The following NFIA variants were observed in gnomAD, a reference collection of about 807,000 sequenced individuals.
NFIA encodes the protein nuclear factor 1 A-type.
A neutral mutation model predicts 62.8 loss-of-function variants in NFIA; 8 were observed. The observed-to-expected ratio is 0.13, with a 90% confidence interval of 0.07 to 0.23. NFIA has a LOEUF of 0.23. Among genes scored for constraint, NFIA ranks in the 10% least tolerant of loss-of-function variants. The pLI is 1.00. For synonymous variants in NFIA, 235 were observed against 238.1 expected (o/e 0.99, Z 0.12); for missense variants, 410 against 642.1 (o/e 0.64, Z 3.91).
chr1:61,128,915 G>T (rs1286635733), intron 2 of NFIA, among the ~76,000 whole-genome samples: 116 of 74,062 alleles, frequency 1.6e-3, no homozygotes, highest in Admixed American at 2.6e-3. Flanking sequence ...GCTTACTTAT[G>T]TTTTTTTTTT....
chr1:61,348,752 T>C (rs957243253), intron 4 of NFIA, among the ~76,000 whole-genome samples: 1 of 152,200 alleles, frequency 6.6e-6, no homozygotes, highest in Non-Finnish European at 1.5e-5. Context: ...GGCCTCTTCT[T>C]CTCTCCGTCT....
At chr1:61,362,443 C>T (rs969900618) in intron 6 of NFIA, among the ~76,000 whole-genome samples, 6 of 152,128 alleles carry the variant, frequency 3.9e-5, no homozygotes, top group Non-Finnish European at 5.9e-5. Context: ...ACTCAGAATG[C>T]TTTGGTTTCC....
intron 2 of NFIA, among the ~76,000 whole-genome samples, chr1:61,240,509 G>A (rs1014496473): frequency 2.6e-5 from 4 of 151,368 alleles, no homozygotes; most frequent in African/African-American, 4.9e-5. Flanking sequence ...TCCACAAACC[G>A]TACACAATGG....
intron 2 of NFIA, among the ~76,000 whole-genome samples, chr1:61,099,075 T>C (rs892538680): frequency 2.6e-5 from 4 of 152,238 alleles, no homozygotes; most frequent in African/African-American, 9.6e-5. Flanking sequence ...ATGTAATCCT[T>C]TGTACTTTTA....
At chr1:61,431,209 A>G (rs1345110699) in intron 10 of NFIA, among the ~76,000 whole-genome samples, 14 of 152,208 alleles carry the variant, frequency 9.2e-5, no homozygotes. Flanking sequence ...AATGAGAACC[A>G]TTAAGAGGAG....
At chr1:61,236,669 G>A (rs761331136) in intron 2 of NFIA, among the ~76,000 whole-genome samples, 1 of 150,716 alleles carries the variant, frequency 6.6e-6, no homozygotes, top group Non-Finnish European at 1.5e-5. Context: ...TGATCATTTT[G>A]TTATTTTTGC....
intron 2 of NFIA, among the ~76,000 whole-genome samples, chr1:61,108,402 A>G (rs1210685308): frequency 6.6e-6 from 1 of 151,682 alleles, no homozygotes; most frequent in Non-Finnish European, 1.5e-5. Flanking sequence ...TCTAATTTCT[A>G]GTATAGAAAT....
intron 7 of NFIA, among the ~76,000 whole-genome samples, chr1:61,391,044 A>G (rs368144057): frequency 7.3e-5 from 11 of 150,996 alleles, no homozygotes; most frequent in South Asian, 4.2e-4. Context: ...TTGTTTGTTT[A>G]TTTGTTTGTT....
At chr1:61,327,695 T>A (rs1011399399) in intron 3 of NFIA, among the ~76,000 whole-genome samples, 2 of 152,170 alleles carry the variant, frequency 1.3e-5, no homozygotes, top group Non-Finnish European at 2.9e-5. Context: ...TCCACATCTT[T>A]GCAAATGTGA....
At chr1:61,133,987 G>T (rs937644783) in intron 2 of NFIA, among the ~76,000 whole-genome samples, 1 of 151,972 alleles carries the variant, frequency 6.6e-6, no homozygotes, top group South Asian at 2.1e-4. Context: ...TTAGCCGGGC[G>T]TGGTGGTGCA....
Position 61,383,268 on chromosome 1 carries a change from G to T in NFIA, c.978G>T (p.Ser326=). The change falls in exon 7 of 11, where the codon TCG becomes TCT. Residue 326 remains serine (S), a synonymous_variant. Coordinates refer to ENST00000403491, the MANE Select transcript of NFIA (RefSeq NM_001134673.4). ...GMPSPTTLKK[S]EKSGFSSPSP... Reference sequence around the variant, plus strand: ...CATCTCCAACCACACTGAAGAAGTCGGAGAAGTCTGGTTTCAGCAGCCCCT... The same window carrying T: ...CATCTCCAACCACACTGAAGAAGTCTGAGAAGTCTGGTTTCAGCAGCCCCT... 1 of 1,613,982 alleles carries T rather than the reference G, an allele frequency of 6.2e-7. No individual in the cohort carries two copies. The highest frequency in any genetic ancestry group is 8.5e-7 in the Non-Finnish European group (1 of 1,179,902).
intron 2 of NFIA, among the ~76,000 whole-genome samples, chr1:61,172,843 C>G (rs1241167496): frequency 6.6e-6 from 1 of 152,184 alleles, no homozygotes; most frequent in Non-Finnish European, 1.5e-5. Flanking sequence ...TATAACATAA[C>G]TCGACAATCT....
At chr1:61,295,092 C>T (rs1659116977) in intron 3 of NFIA, among the ~76,000 whole-genome samples, 1 of 152,184 alleles carries the variant, frequency 6.6e-6, no homozygotes, top group Non-Finnish European at 1.5e-5. Context: ...AGCAGGATTT[C>T]AGGCTCCACA....
chr1:61,410,039 G>A (rs1374021724), intron 9 of NFIA, among the ~76,000 whole-genome samples: 1 of 152,134 alleles, frequency 6.6e-6, no homozygotes, highest in Non-Finnish European at 1.5e-5. Context: ...ACACGGCATG[G>A]CTGTGTTAGT....
intron 2 of NFIA, among the ~76,000 whole-genome samples, chr1:61,186,530 A>G (rs1318771780): frequency 6.6e-6 from 1 of 152,170 alleles, no homozygotes; most frequent in Non-Finnish European, 1.5e-5. Flanking sequence ...GTAAATAGGT[A>G]AGTTACCTAC....
intron 2 of NFIA, among the ~76,000 whole-genome samples, chr1:61,226,197 T>C (rs2100624246): frequency 6.6e-6 from 1 of 152,290 alleles, no homozygotes; most frequent in South Asian, 2.1e-4. Context: ...AACCAAAGTT[T>C]GCCTCATGCT....
intron 2 of NFIA, among the ~76,000 whole-genome samples, chr1:61,267,643 T>C (rs1028842641): frequency 6.6e-6 from 1 of 152,294 alleles, no homozygotes; most frequent in African/African-American, 2.4e-5. Flanking sequence ...CCCTAACCAC[T>C]ACCACCGCCA....
At chr1:61,390,628 A>T (rs906775879) in intron 7 of NFIA, among the ~76,000 whole-genome samples, 1 of 152,220 alleles carries the variant, frequency 6.6e-6, no homozygotes, top group South Asian at 2.1e-4. Context: ...GCAGAGAATT[A>T]TGAGAATTAA....
At chr1:61,094,249 G>A (rs1646373152) in intron 2 of NFIA, among the ~76,000 whole-genome samples, 1 of 152,154 alleles carries the variant, frequency 6.6e-6, no homozygotes, top group African/African-American at 2.4e-5. Flanking sequence ...GAAGAAGTCA[G>A]GTGGAGGAGG....
Sources: gnomAD v4.1 joint callset for allele counts (sites outside exome capture counted in the v4.1 genomes callset) on GRCh38, gnomAD v4.1.1 for gene constraint, MANE v1.5 for transcripts, NCBI Gene and HGNC (gene_info 2026-07-23, HGNC 2026-07-21) for gene names.